TRIM24: variants seen among roughly 807,000 people sequenced by gnomAD.
TRIM24 encodes transcription intermediary factor 1-alpha.
A neutral mutation model predicts 123.9 loss-of-function variants in TRIM24; 29 were observed. The ratio of observed to expected loss-of-function variants is 0.23; its 90% CI spans 0.17 to 0.32. The LOEUF (loss-of-function observed/expected upper bound fraction) is 0.32, where lower values mean the gene tolerates loss of function less well. TRIM24 is among the 10% of genes least tolerant of loss of function. The pLI, the probability that TRIM24 is intolerant of heterozygous loss-of-function variation, is 1.00. For missense variants in TRIM24, 932 were observed against 1,295.3 expected (o/e 0.72, Z 4.31); for synonymous variants, 456 against 461.1 (o/e 0.99, Z 0.14).
At chr7:138,538,147 C>G (rs1188609681) in intron 6 of TRIM24, among the ~76,000 whole-genome samples, 1 of 152,162 alleles carries the variant, frequency 6.6e-6, no homozygotes, top group Non-Finnish European at 1.5e-5. Context: ...TAATATGATG[C>G]CTTTTAAGAA....
In TRIM24 at chr7:138,579,532, G is replaced by T. The variant is rs1345253699; in HGVS notation, c.2585G>T (p.Ser862Ile). The change falls in exon 15 of 19, where the codon AGT becomes ATT. Residue 862 changes from serine to isoleucine, a missense_variant and splice_region_variant. Ser to Ile is a moderately radical substitution (Grantham distance 142). This residue lies in a region of TRIM24 where 45 missense variants were observed against 56.6 expected (regional missense o/e 0.80). Transcript: ENST00000343526. ...GTGCCCACATTGACAAATTTTCCAA[G>T]GTAAGATAGTACTTCCCTTCCCACA... is the stretch of plus-strand genomic sequence containing the variant. Reference protein sequence around the residue: ...CHVPTLTNFPSGEWICTFCRD... With the variant: ...CHVPTLTNFPIGEWICTFCRD... 1 of 1,592,784 alleles carries T rather than the reference G, an allele frequency of 6.3e-7. No individual in the cohort carries two copies. The highest frequency in any genetic ancestry group is 8.6e-7 in the Non-Finnish European group (1 of 1,167,724).
intron 6 of TRIM24, among the ~76,000 whole-genome samples, chr7:138,533,443 A>G (rs1796792455): frequency 6.6e-6 from 1 of 152,208 alleles, no homozygotes; most frequent in Admixed American, 6.5e-5. Context: ...GAATTTTGTC[A>G]AAGGCCTTTC....
chr7:138,534,344 G>T (rs575078873), intron 6 of TRIM24, among the ~76,000 whole-genome samples: 2 of 152,132 alleles, frequency 1.3e-5, no homozygotes, highest in South Asian at 4.1e-4. Flanking sequence ...TTCTCTTGTG[G>T]GCATTTAGTG....
At chr7:138,535,980 T>G (rs1796863321) in intron 6 of TRIM24, among the ~76,000 whole-genome samples, 1 of 152,206 alleles carries the variant, frequency 6.6e-6, no homozygotes, top group African/African-American at 2.4e-5. Flanking sequence ...CTTCAATCAC[T>G]GATACCCTTT....
At chr7:138,521,652 A>T (rs1483467261) in intron 4 of TRIM24, among the ~76,000 whole-genome samples, 1 of 152,222 alleles carries the variant, frequency 6.6e-6, no homozygotes, top group African/African-American at 2.4e-5. Flanking sequence ...AAATTACAAG[A>T]CAGGTTTCGG....
chr7:138,561,625 C>T (rs1797429972), intron 9 of TRIM24, among the ~76,000 whole-genome samples: 1 of 152,140 alleles, frequency 6.6e-6, no homozygotes, highest in African/African-American at 2.4e-5. Flanking sequence ...GCACAGAGGC[C>T]ATCCTAGTGC....
At chr7:138,474,575 G>A (rs1045123212) in intron 1 of TRIM24, among the ~76,000 whole-genome samples, 9 of 152,140 alleles carry the variant, frequency 5.9e-5, no homozygotes, top group Non-Finnish European at 4.4e-5. Flanking sequence ...CTTCTTGGAA[G>A]TCCCATAGTT....
At chr7:138,580,176 A>G (rs116424061) in intron 15 of TRIM24, among the ~76,000 whole-genome samples, 171 of 152,304 alleles carry the variant, frequency 1.1e-3, no homozygotes, top group African/African-American at 3.8e-3. Flanking sequence ...ACTTTTGAAA[A>G]TTTAATTTTA....
At chr7:138,507,279 T>C (rs1276408563) in intron 2 of TRIM24, among the ~76,000 whole-genome samples, 3 of 152,160 alleles carry the variant, frequency 2.0e-5, no homozygotes, top group Non-Finnish European at 2.9e-5. Flanking sequence ...AACTCTTGTT[T>C]TGTGCATACT....
At position 138,538,677 on chromosome 7, in the gene TRIM24, C is replaced by T. The variant is rs1796942111; in HGVS notation, c.1017C>T (p.Arg339=). The T allele has an allele frequency of 1.2e-6, 2 of 1,614,032 alleles. No individual in the cohort carries two copies. The highest frequency in any genetic ancestry group is 1.7e-6 in the Non-Finnish European group (2 of 1,179,946). ...HQLESLAKDH[R]MKLMQQQQEV... ...TTCAGAGCCTTGCAAAGGACCATCG[C>T]ATGAAACTTATGCAACAACAACAGG... is the stretch of plus-strand genomic sequence containing the variant. Residue 339 remains arginine, a synonymous_variant, in exon 7 of 19, where the codon CGC becomes CGT. Transcript: ENST00000343526.
Position 138,570,964 on chromosome 7 carries a change from A to G in TRIM24, c.1839A>G (p.Ser613=). 1.2e-6 allele frequency: 2 copies of G among 1,614,094 alleles called. No homozygotes were observed. Among genetic ancestry groups the G allele is most frequent in the Non-Finnish European group, 1.7e-6 (2 of 1,179,976 alleles). Residue 613 remains serine (S), a synonymous_variant, in exon 11 of 19, where the codon TCA becomes TCG. Coordinates refer to ENST00000343526, the MANE Select transcript of TRIM24 (RefSeq NM_015905.3). ...GTTCACCTATGATCGATTTGAGCTC[A>G]CCAGTGGGAGGGTCTTATAATCTTC... ...AFGSPMIDLS[S]PVGGSYNLPS...
At chr7:138,578,354 A>C (rs2116686273) in intron 14 of TRIM24, among the ~76,000 whole-genome samples, 1 of 152,350 alleles carries the variant, frequency 6.6e-6, no homozygotes, top group East Asian at 1.9e-4. Context: ...ATATAACCTG[A>C]ATATGCACTT....
At chr7:138,540,079 C>T (rs1206996657) in intron 7 of TRIM24, among the ~76,000 whole-genome samples, 2 of 152,128 alleles carry the variant, frequency 1.3e-5, no homozygotes, top group Admixed American at 6.5e-5. Flanking sequence ...GGATTACAGG[C>T]GTGAACCACT....
intron 9 of TRIM24, among the ~76,000 whole-genome samples, chr7:138,565,770 G>C (rs144979720): frequency 6.6e-6 from 1 of 152,220 alleles, no homozygotes; most frequent in Non-Finnish European, 1.5e-5. Flanking sequence ...TTTAAATGGC[G>C]TGGTGGGAAT....
chr7:138,498,780 A>G (rs749734555), intron 1 of TRIM24, among the ~76,000 whole-genome samples: 3 of 151,300 alleles, frequency 2.0e-5, no homozygotes, highest in Non-Finnish European at 2.9e-5. Flanking sequence ...GATTATAGGC[A>G]TGCACCACCA....
chr7:138,522,896 A>G (rs911092689), intron 4 of TRIM24, among the ~76,000 whole-genome samples: 1 of 152,226 alleles, frequency 6.6e-6, no homozygotes, highest in Non-Finnish European at 1.5e-5. Flanking sequence ...TTTCATCTGA[A>G]TGATAGTGAA....
At chr7:138,550,179 C>G (rs1191352472) in intron 7 of TRIM24, among the ~76,000 whole-genome samples, 1 of 152,090 alleles carries the variant, frequency 6.6e-6, no homozygotes. Flanking sequence ...AGTAAGTGGT[C>G]ATGTGTTTGA....
intron 10 of TRIM24, among the ~76,000 whole-genome samples, chr7:138,568,050 G>A (rs1238814505): frequency 6.6e-6 from 1 of 152,040 alleles, no homozygotes; most frequent in African/African-American, 2.4e-5. Context: ...GTTTCAAGAG[G>A]GAATACATAT....
intron 1 of TRIM24, among the ~76,000 whole-genome samples, chr7:138,475,937 A>G (rs1466742616): frequency 6.6e-6 from 1 of 152,198 alleles, no homozygotes; most frequent in Non-Finnish European, 1.5e-5. Flanking sequence ...CGCAAGGTAA[A>G]ACTCAGGCCA....
Sources: allele counts gnomAD v4.1 joint callset (sites outside exome capture counted in the v4.1 genomes callset), GRCh38; gene constraint gnomAD v4.1.1; regional missense constraint gnomAD v4.1.1; transcripts MANE v1.5; gene names NCBI Gene and HGNC (gene_info 2026-07-23, HGNC 2026-07-21).